Variants in NID1 observed in about 807,000 individuals in gnomAD.
The protein encoded by NID1 is nidogen-1.
NID1 carries 76 observed loss-of-function variants against 130.6 expected under a neutral mutation model. The observed-to-expected ratio is 0.58, with a 90% CI of 0.48 to 0.70. The LOEUF is 0.70. NID1 is among the 30% of genes least tolerant of loss of function. The pLI is 0.00. For synonymous variants in NID1, 665 were observed against 675.1 expected (o/e 0.98, Z 0.23); for missense variants, 1,517 against 1,664.8 (o/e 0.91, Z 1.54).
intron 5 of NID1, among the ~76,000 whole-genome samples, chr1:236,034,972 TC>T (rs1158997087): frequency 0.014 from 1,623 of 116,886 alleles, 17 homozygotes; most frequent in African/African-American, 0.071. Flanking sequence ...GGCAGAGTTT[TC>T]TTTTTTTTTT....
At position 235,983,641 on chromosome 1, in the gene NID1, A is replaced by C. The variant is rs558114769; in HGVS notation, c.3055+1738T>G. On this transcript the variant is annotated intron_variant, in intron 15 of 19. Transcript: ENST00000264187. ...GCTCCGTGCATATTGTCTCCTTAGA[A>C]CCAGCCTTGGTCCCGATCTCAAACC... 2.0e-5 allele frequency among the ~76,000 whole-genome samples: 3 copies of C among 152,278 alleles called. No homozygotes were observed. The East Asian group carries it at 5.8e-4, about 29-fold the overall frequency.
chr1:235,994,603 A>G (rs1657866948), intron 12 of NID1, among the ~76,000 whole-genome samples: 2 of 152,160 alleles, frequency 1.3e-5, no homozygotes, highest in South Asian at 4.1e-4. Flanking sequence ...TATTTTGCTT[A>G]TCCATTGATG....
rs150401560 is a variant in NID1 at position 236,054,008 on chromosome 1, G to A, written c.226-5019C>T. Among the ~76,000 whole-genome samples the A allele has an allele frequency of 8.4e-4, 128 of 152,278 alleles. 2 individuals carry two copies. In the Middle Eastern group the frequency reaches 0.017, roughly 20 times the overall value. On this transcript the variant is annotated intron_variant, in intron 1 of 19. Transcript: ENST00000264187. ...AACTGCCAGTTTACAGGAAATACAGGAGACAGAAGAACATGCTAATGGACA... is the reference window on the plus strand; with the variant it reads ...AACTGCCAGTTTACAGGAAATACAGAAGACAGAAGAACATGCTAATGGACA...
chr1:236,038,324 A>G, intron 4 of NID1, 71 bp from the exon 5 acceptor site: 3 of 1,542,106 alleles, frequency 1.9e-6, no homozygotes, highest in Non-Finnish European at 1.8e-6. Flanking sequence ...TCTCTCATCT[A>G]GGCACCCTCA....
chr1:235,982,134 C>G (rs1657454717), intron 15 of NID1, among the ~76,000 whole-genome samples: 1 of 152,128 alleles, frequency 6.6e-6, no homozygotes, highest in Admixed American at 6.5e-5. Flanking sequence ...CTGGGGAGAA[C>G]AGGGAGGGGT....
chr1:235,995,118 G>C (rs1558425402), intron 12 of NID1, among the ~76,000 whole-genome samples: 2 of 152,232 alleles, frequency 1.3e-5, no homozygotes, highest in African/African-American at 2.4e-5. Flanking sequence ...CACATTTGTG[G>C]ATTCAACCAA....
Position 236,011,948 on chromosome 1 carries a change from C to T in NID1, c.2500G>A (p.Gly834Arg). Residue 834 changes from glycine (G) to arginine (R), a missense_variant, in exon 12 of 20, where the codon GGA (glycine) becomes AGA (arginine). Coordinates refer to ENST00000264187, the MANE Select transcript of NID1 (RefSeq NM_002508.3). ...CCGGGCACGCAACGGAAGCCGTCTC[C>T]CTGATAACCAGGTTTGCACTGGCAC... is the stretch of plus-strand genomic sequence containing the variant. ...FTCQCKPGYQ[G>R]DGFRCVPGEV... 6.2e-7 allele frequency: 1 copy of T among 1,614,158 alleles called. No individual in the cohort carries two copies. Among genetic ancestry groups the T allele is most frequent in the Non-Finnish European group, 8.5e-7 (1 of 1,180,020 alleles).
At position 235,979,482 on chromosome 1, in the gene NID1, G is replaced by A. The variant is rs1657366925; in HGVS notation, c.3509+340C>T. On this transcript the variant is annotated intron_variant, in intron 18 of 19. Transcript: ENST00000264187. The surrounding 1 kb of genome is among the most constrained non-coding windows in gnomAD (Gnocchi z 4.6). ...TATAATGAAGCAGGGACATGAAGTG[G>A]ACATGGAGCCCACCGGCCACGTGAC... Among the ~76,000 whole-genome samples the A allele has an allele frequency of 6.6e-6, 1 of 152,188 alleles. No individual in the cohort carries two copies. Among genetic ancestry groups the A allele is most frequent in the Non-Finnish European group, 1.5e-5 (1 of 68,044 alleles).
At chr1:236,055,229 G>C (rs922271268) in intron 1 of NID1, among the ~76,000 whole-genome samples, 1 of 151,872 alleles carries the variant, frequency 6.6e-6, no homozygotes, top group East Asian at 1.9e-4. Context: ...GCGGGAACCC[G>C]GGAGGTGGAG....
intron 12 of NID1, among the ~76,000 whole-genome samples, chr1:236,000,784 C>A (rs149428076): frequency 1.0e-3 from 155 of 152,334 alleles, no homozygotes; most frequent in African/African-American, 3.4e-3. Context: ...AAATTGGTTT[C>A]TCTGTGTTCA....
In NID1 at chr1:236,041,925, C is replaced by T; in HGVS notation, c.1120G>A (p.Glu374Lys). The change falls in exon 4 of 20, where the codon GAG (glutamate) becomes AAG (lysine). Residue 374 changes from glutamate (E) to lysine (K), a missense_variant. Glu to Lys is a moderately conservative substitution (Grantham distance 56). Around this residue, in one of 3 missense-constraint regions of NID1, gnomAD observed 1,329 missense variants for 1,429.2 expected, o/e 0.93. Transcript: ENST00000264187. ...ATGGTCTTACCAACTCCTGTTTCCTCAACTTCATCCACATCTATGACCTGA... is the reference window on the plus strand; with the variant it reads ...ATGGTCTTACCAACTCCTGTTTCCTTAACTTCATCCACATCTATGACCTGA... ...HPQVIDVDEVEETGVVFSYNT... is the reference protein window; with the variant it reads ...HPQVIDVDEVKETGVVFSYNT... 6.2e-7 allele frequency: 1 copy of T among 1,606,858 alleles called. No individual in the cohort carries two copies. Among genetic ancestry groups the T allele is most frequent in the Middle Eastern group, 1.7e-4 (1 of 6,010 alleles).
At chr1:236,027,957 C>A (rs1658988332) in intron 7 of NID1, among the ~76,000 whole-genome samples, 1 of 151,902 alleles carries the variant, frequency 6.6e-6, no homozygotes, top group South Asian at 2.1e-4. Flanking sequence ...GAGCAAGACA[C>A]CATCTCAAAA....
chr1:236,025,784 T>C, intron 8 of NID1, 112 bp downstream of exon 8: 1 of 1,381,156 alleles, frequency 7.2e-7, no homozygotes, highest in Non-Finnish European at 9.9e-7. Flanking sequence ...AGAAGATACT[T>C]TAGCATAATT....
At chr1:236,040,401 T>A (rs2145430) in intron 4 of NID1, among the ~76,000 whole-genome samples, 69,703 of 151,886 alleles carry the variant, frequency 0.46, 16,421 homozygotes, top group East Asian at 0.68. Flanking sequence ...GTCCACAGTT[T>A]GGGATACTCG....
At chr1:236,014,508 C>G (rs532004770) in intron 10 of NID1, among the ~76,000 whole-genome samples, 9 of 152,272 alleles carry the variant, frequency 5.9e-5, no homozygotes, top group African/African-American at 2.2e-4. Context: ...CCTTTGCCTT[C>G]CATCTTGAGG....
At chr1:236,029,348 C>T (rs1236456987) in intron 7 of NID1, among the ~76,000 whole-genome samples, 5 of 152,152 alleles carry the variant, frequency 3.3e-5, no homozygotes, top group Non-Finnish European at 5.9e-5. Flanking sequence ...CTAACTCATG[C>T]GTATTGTCTT....
chr1:236,058,899 G>A (rs1363535977), intron 1 of NID1, among the ~76,000 whole-genome samples: 1 of 152,174 alleles, frequency 6.6e-6, no homozygotes, highest in East Asian at 1.9e-4. Context: ...CAAACTCCAT[G>A]GGTGAGAGGC....
chr1:236,003,095 T>C (rs1658127471), intron 12 of NID1, among the ~76,000 whole-genome samples: 1 of 150,010 alleles, frequency 6.7e-6, no homozygotes, highest in South Asian at 2.1e-4. Flanking sequence ...TTGTCACTCC[T>C]AGTGAACGAC....
intron 14 of NID1, among the ~76,000 whole-genome samples, chr1:235,988,852 AG>A (rs1382629374): frequency 3.3e-5 from 5 of 152,206 alleles, no homozygotes; most frequent in African/African-American, 4.8e-5. Context: ...CGTGGCTGCC[AG>A]GGGCTAGGAC....
Sources: gnomAD v4.1 joint callset for allele counts (sites outside exome capture counted in the v4.1 genomes callset) on GRCh38, gnomAD v4.1.1 for gene constraint, gnomAD v4.1.1 regional missense constraint, Gnocchi (gnomAD v3.1) non-coding constraint, MANE v1.5 for transcripts, NCBI Gene and HGNC (gene_info 2026-07-23, HGNC 2026-07-21) for gene names.